The following ZNF710 variants were observed in gnomAD, a reference collection of about 807,000 sequenced individuals.
ZNF710 encodes zinc finger protein 710.
In ZNF710, 13 loss-of-function variants were observed where a neutral mutation model predicts 50.6. The ratio of observed to expected loss-of-function variants is 0.26; its 90% CI spans 0.17 to 0.41. The LOEUF (loss-of-function observed/expected upper bound fraction) is 0.41, where lower values mean the gene tolerates loss of function less well. ZNF710 is among the 10% of genes least tolerant of loss of function. The pLI is 1.00. For synonymous variants in ZNF710, 383 were observed against 397.0 expected (o/e 0.96, Z 0.42); for missense variants, 721 against 936.6 (o/e 0.77, Z 3.01).
chr15:90,026,013 A>G, intron 1 of ZNF710: 1 of 152,088 alleles, frequency 6.6e-6, no homozygotes, highest in Non-Finnish European at 1.5e-5. Flanking sequence ...AGGCAAATAA[A>G]CTAAGCATTC....
intron 1 of ZNF710, among the ~76,000 whole-genome samples, chr15:90,004,141 G>T (rs903853829): frequency 3.3e-5 from 5 of 152,174 alleles, no homozygotes; most frequent in Admixed American, 6.5e-5. Context: ...CTACCAGGGA[G>T]ACTTATTTTA....
chr15:90,070,115 T>A lies in ZNF710; in HGVS notation c.1458+1520T>A, dbSNP rs746091935. On this transcript the variant is annotated intron_variant, in intron 2 of 4. Coordinates refer to ENST00000268154, the MANE Select transcript of ZNF710 (RefSeq NM_198526.4). ...GGGAGTTGGGGAGCTGTTAATACCC[T>A]GCCAGGCCTAGAAACCAGCAATTTG... Among the ~76,000 whole-genome samples, 5 of 152,322 alleles carry A rather than the reference T, an allele frequency of 3.3e-5. No homozygotes were observed. In the East Asian group the frequency reaches 7.7e-4, roughly 23 times the overall value.
At chr15:90,073,296 C>A (rs1168112530) in intron 3 of ZNF710, 34 bp downstream of exon 3, 2 of 1,596,048 alleles carry the variant, frequency 1.3e-6, no homozygotes, top group African/African-American at 1.3e-5. Context: ...GCTGGGACCT[C>A]CCCGAGGGTG....
At chr15:90,011,773 T>A (rs1404625746) in intron 1 of ZNF710, among the ~76,000 whole-genome samples, 1 of 152,222 alleles carries the variant, frequency 6.6e-6, no homozygotes, top group African/African-American at 2.4e-5. Flanking sequence ...TTCTTTTTTT[T>A]AGCCTAGAAT....
At chr15:90,061,473 T>G (rs1421980162) in intron 1 of ZNF710, among the ~76,000 whole-genome samples, 4 of 152,072 alleles carry the variant, frequency 2.6e-5, no homozygotes, top group Non-Finnish European at 5.9e-5. Context: ...CGCCCGCCCT[T>G]CAGTTGGTGT....
At chr15:89,999,814 G>A (rs368981709), upstream of ZNF710, among the ~76,000 whole-genome samples, 2 of 152,184 alleles carry the variant, frequency 1.3e-5, no homozygotes, top group South Asian at 4.2e-4. Flanking sequence ...GCTCCTCCCT[G>A]GGAGAAGGGA....
chr15:90,047,425 C>T (rs1899498059), intron 1 of ZNF710, among the ~76,000 whole-genome samples: 1 of 152,192 alleles, frequency 6.6e-6, no homozygotes, highest in East Asian at 1.9e-4. Context: ...AGGATGCAAA[C>T]TCAGGCCTTC....
At chr15:90,046,922 C>A (rs1328324863) in intron 1 of ZNF710, among the ~76,000 whole-genome samples, 5 of 152,070 alleles carry the variant, frequency 3.3e-5, no homozygotes, top group Non-Finnish European at 7.4e-5. Context: ...GAGCCTGGGC[C>A]CAGGGGAGGA....
At chr15:90,014,052 A>G (rs1898384284) in intron 1 of ZNF710, among the ~76,000 whole-genome samples, 1 of 151,978 alleles carries the variant, frequency 6.6e-6, no homozygotes, top group Non-Finnish European at 1.5e-5. Flanking sequence ...TGGCAAAACC[A>G]GTACTTCTCT....
intron 2 of ZNF710, among the ~76,000 whole-genome samples, chr15:90,072,170 C>A (rs1433659770): frequency 1.3e-5 from 2 of 152,156 alleles, no homozygotes; most frequent in Non-Finnish European, 2.9e-5. Context: ...CACACAACAC[C>A]CTGTCCTGCT....
At chr15:89,999,779 G>T (rs1338364721), upstream of ZNF710, among the ~76,000 whole-genome samples, 2 of 152,040 alleles carry the variant, frequency 1.3e-5, no homozygotes, top group Non-Finnish European at 2.9e-5. Flanking sequence ...AGTCACTGGG[G>T]GAGAGACAAT....
chr15:90,053,116 G>A (rs1325265927), intron 1 of ZNF710, among the ~76,000 whole-genome samples: 4 of 152,202 alleles, frequency 2.6e-5, no homozygotes, highest in Non-Finnish European at 5.9e-5. Context: ...GAAAGCCCAT[G>A]AATTTTGCTT....
At chr15:90,052,250 CTT>C (rs942909091) in intron 1 of ZNF710, among the ~76,000 whole-genome samples, 1 of 149,294 alleles carries the variant, frequency 6.7e-6, no homozygotes, top group East Asian at 1.9e-4. Flanking sequence ...CCCCATGTGA[CTT>C]TTTTTTGTCG....
chr15:90,036,595 T>C (rs964881932), intron 1 of ZNF710, among the ~76,000 whole-genome samples: 7 of 152,060 alleles, frequency 4.6e-5, no homozygotes, highest in African/African-American at 1.7e-4. Flanking sequence ...AAAGAAAGCC[T>C]GCTCCATTAT....
intron 1 of ZNF710, among the ~76,000 whole-genome samples, chr15:90,026,249 CAA>C (rs200662432): frequency 0.046 from 1,683 of 36,580 alleles, 33 homozygotes; most frequent in African/African-American, 0.21. Context: ...AGAAAAAAAA[CAA>C]AACAACAACA....
At chr15:90,050,357 A>G (rs1342010405) in intron 1 of ZNF710, among the ~76,000 whole-genome samples, 1 of 152,186 alleles carries the variant, frequency 6.6e-6, no homozygotes, top group Non-Finnish European at 1.5e-5. Context: ...ACCTGCCCTC[A>G]GACCTCAGCA....
intron 2 of ZNF710, among the ~76,000 whole-genome samples, chr15:90,071,591 C>A (rs1391932001): frequency 6.6e-6 from 1 of 151,966 alleles, no homozygotes; most frequent in Non-Finnish European, 1.5e-5. Flanking sequence ...GACACATGTC[C>A]CACTGGGTTC....
At chr15:90,074,012 A>C (rs891977839) in intron 3 of ZNF710, 104 bp from the exon 4 acceptor site, 5 of 1,260,478 alleles carry the variant, frequency 4.0e-6, no homozygotes, top group East Asian at 2.9e-5. Flanking sequence ...AAAAAAAAAA[A>C]CAAAAGAATA....
In ZNF710 at chr15:90,068,097, C is replaced by T; in HGVS notation, c.960C>T (p.Ile320=). The change falls in exon 2 of 5, where the codon ATC becomes ATT. Residue 320 remains isoleucine, a synonymous_variant. Transcript: ENST00000268154. The surrounding 1 kb of genome is among the most constrained non-coding windows in gnomAD (Gnocchi z 5.0). ...LVTHILGHNG[I]KPHSCPHCSK... is the part of the protein sequence containing the mutation. The stretch of plus-strand genomic sequence containing the variant: ...CGCACATCCTGGGCCACAACGGCAT[C>T]AAGCCACACTCGTGCCCACACTGCA... 2 of 1,614,254 alleles carry T rather than the reference C, an allele frequency of 1.2e-6. No homozygotes were observed. The highest frequency in any genetic ancestry group is 3.3e-4 in the Middle Eastern group (2 of 6,062).
Sources: allele counts gnomAD v4.1 joint callset (sites outside exome capture counted in the v4.1 genomes callset), GRCh38; gene constraint gnomAD v4.1.1; non-coding constraint Gnocchi (gnomAD v3.1); transcripts MANE v1.5; gene names NCBI Gene and HGNC (gene_info 2026-07-23, HGNC 2026-07-21).